The following IPMK variants were observed in gnomAD, a reference collection of about 807,000 sequenced individuals.
IPMK encodes inositol polyphosphate multikinase, also known as inositol 1,3,4,6-tetrakisphosphate 5-kinase.
A neutral mutation model predicts 45.8 loss-of-function variants in IPMK; 17 were observed. That is an observed-to-expected ratio of 0.37 (90% CI 0.25 to 0.56). IPMK has a LOEUF of 0.56. Among genes scored for constraint, IPMK ranks in the 20% least tolerant of loss-of-function variants. The pLI is 0.79. For synonymous variants in IPMK, 180 were observed against 184.3 expected, an observed-to-expected ratio of 0.98 and a Z score of 0.19; for missense variants, 399 against 498.0, an observed-to-expected ratio of 0.80 and a Z score of 1.89.
chr10:58,202,920 CA>C (rs1212580829), intron 4 of IPMK, among the ~76,000 whole-genome samples: 2 of 152,132 alleles, frequency 1.3e-5, no homozygotes, highest in Non-Finnish European at 1.5e-5. Flanking sequence ...TTCTATGGAT[CA>C]AGGAGTAATT....
chr10:58,253,223 T>C (rs1838911279), intron 1 of IPMK, among the ~76,000 whole-genome samples: 1 of 152,222 alleles, frequency 6.6e-6, no homozygotes, highest in Admixed American at 6.5e-5. Context: ...CTCATTCACC[T>C]TCTGCCATGA....
intron 1 of IPMK, among the ~76,000 whole-genome samples, chr10:58,252,568 C>T (rs986798803): frequency 2.0e-5 from 3 of 150,072 alleles, no homozygotes; most frequent in Non-Finnish European, 3.0e-5. Flanking sequence ...AACATAATAC[C>T]AAATAGTTAA....
rs1395351294 is a variant in IPMK at position 58,267,886 on chromosome 10, C to T, written c.-275G>A. 3 of 360,780 alleles carry T rather than the reference C, an allele frequency of 8.3e-6. No individual in the cohort carries two copies. The highest frequency in any genetic ancestry group is 2.1e-5 in the African/African-American group (1 of 46,558). 22.3% of individuals were successfully genotyped at this position (360,780 alleles called of 1,614,324 possible). On this transcript the variant is annotated 5_prime_UTR_variant, in exon 1 of 6. Coordinates refer to ENST00000373935, the MANE Select transcript of IPMK (RefSeq NM_152230.5). ...GCGCTGCCCGGTAGACAGAACCGAG[C>T]CGAAGAACAGCAGCAGCGGCGCCCC...
At chr10:58,199,948 C>T (rs1489239892) in intron 4 of IPMK, among the ~76,000 whole-genome samples, 1 of 151,776 alleles carries the variant, frequency 6.6e-6, no homozygotes, top group Non-Finnish European at 1.5e-5. Context: ...AAATGTAACC[C>T]CCAAAGAACA....
chr10:58,267,390 G>C, intron 1 of IPMK, 32 bp downstream of exon 1: 1 of 1,608,074 alleles, frequency 6.2e-7, no homozygotes, highest in Non-Finnish European at 8.5e-7. Context: ...AGGCGGAAGG[G>C]GAGCGGCGAG....
At chr10:58,221,805 G>A (rs1271971752) in intron 3 of IPMK, among the ~76,000 whole-genome samples, 2 of 151,958 alleles carry the variant, frequency 1.3e-5, no homozygotes, top group Non-Finnish European at 1.5e-5. Context: ...CTGGAGTGCA[G>A]TGGTGTGATC....
intron 2 of IPMK, among the ~76,000 whole-genome samples, chr10:58,230,836 T>A (rs1838504833): frequency 6.6e-6 from 1 of 152,220 alleles, no homozygotes; most frequent in Non-Finnish European, 1.5e-5. Flanking sequence ...TTTGACGAGT[T>A]GATAGAAGTA....
At chr10:58,256,826 C>G (rs2590354) in intron 1 of IPMK, among the ~76,000 whole-genome samples, 1 of 151,688 alleles carries the variant, frequency 6.6e-6, no homozygotes, top group Non-Finnish European at 1.5e-5. Flanking sequence ...CTGGTTCCCC[C>G]GAAAGACAAG....
At chr10:58,230,817 G>A (rs1310445888) in intron 2 of IPMK, among the ~76,000 whole-genome samples, 2 of 152,234 alleles carry the variant, frequency 1.3e-5, no homozygotes, top group Non-Finnish European at 2.9e-5. Flanking sequence ...AAGCTGGACA[G>A]AGAATGACTT....
rs1214301621 is a variant in IPMK at position 58,201,005 on chromosome 10, A to AG, written c.547-1685dup. ...CACGCAGAAATCAAAAGAAAAATAG[A>AG]GAAAAAAAACTGTTTGAAATTTATT... On this transcript the variant is annotated intron_variant, in intron 4 of 5. Coordinates refer to ENST00000373935, the MANE Select transcript of IPMK (RefSeq NM_152230.5). 3.9e-5 allele frequency among the ~76,000 whole-genome samples: 6 copies of AG among 152,298 alleles called. No homozygotes were observed. In the East Asian group the frequency reaches 9.6e-4, roughly 24 times the overall value.
At chr10:58,252,611 CTT>C (rs113777957) in intron 1 of IPMK, among the ~76,000 whole-genome samples, 6,524 of 111,196 alleles carry the variant, frequency 0.059, 142 homozygotes, top group East Asian at 0.14. Context: ...GTTTTCTTTT[CTT>C]TTTTTTTTTT....
intron 2 of IPMK, among the ~76,000 whole-genome samples, chr10:58,234,150 TCAA>T (rs1194298055): frequency 2.0e-5 from 3 of 151,902 alleles, no homozygotes; most frequent in Non-Finnish European, 4.4e-5. Context: ...AAACCACCGC[TCAA>T]CAAAATAAAA....
chr10:58,233,029 G>C (rs964698970), intron 2 of IPMK, among the ~76,000 whole-genome samples: 2 of 152,160 alleles, frequency 1.3e-5, no homozygotes, highest in African/African-American at 4.8e-5. Flanking sequence ...ACTACCATCA[G>C]AGAATACGAT....
At position 58,259,271 on chromosome 10, in the gene IPMK, C is replaced by A. The variant is rs577641286; in HGVS notation, c.190+8151G>T. On this transcript the variant is annotated intron_variant, in intron 1 of 5. Transcript: ENST00000373935. ...TTTCAGGGCCGAGACAGGGAAAACACAAAAGGAATGTGGAATATCTTTTTA... is the reference window on the plus strand; with the variant it reads ...TTTCAGGGCCGAGACAGGGAAAACAAAAAAGGAATGTGGAATATCTTTTTA... Among the ~76,000 whole-genome samples the A allele has an allele frequency of 3.3e-5, 5 of 151,806 alleles. No homozygotes were observed. In the East Asian group the frequency reaches 7.8e-4, roughly 24 times the overall value.
At chr10:58,257,465 A>G (rs1039567590) in intron 1 of IPMK, among the ~76,000 whole-genome samples, 2 of 152,180 alleles carry the variant, frequency 1.3e-5, no homozygotes, top group African/African-American at 4.8e-5. Context: ...ACTGCACTCC[A>G]GCCTGGGCAA....
At chr10:58,198,724 G>A (rs1228336306) in intron 5 of IPMK, among the ~76,000 whole-genome samples, 1 of 152,030 alleles carries the variant, frequency 6.6e-6, no homozygotes, top group Admixed American at 6.6e-5. Flanking sequence ...AAATACTTTA[G>A]AAGCATGTAT....
intron 4 of IPMK, among the ~76,000 whole-genome samples, chr10:58,209,173 TC>T (rs746261931): frequency 1.3e-5 from 2 of 152,164 alleles, no homozygotes; most frequent in Non-Finnish European, 2.9e-5. Context: ...CCTGGATTAT[TC>T]CAGAATGGCT....
chr10:58,229,562 C>CAAAAAAAAAA lies in IPMK; in HGVS notation c.277-2433_277-2424dup, dbSNP rs574403627. On this transcript the variant is annotated intron_variant, in intron 2 of 5. Coordinates refer to ENST00000373935, the MANE Select transcript of IPMK (RefSeq NM_152230.5). ...TGGGCAACAGAGCGAGACCACGTCT[C>CAAAAAAAAAA]AAAAAAAAAAAAAAAAAAGTAATCT... 9.6e-5 allele frequency among the ~76,000 whole-genome samples: 7 copies of CAAAAAAAAAA among 72,944 alleles called. No homozygotes were observed. In the East Asian group the frequency reaches 1.9e-3, roughly 20 times the overall value. 47.9% of individuals were successfully genotyped at this position (72,944 alleles called of 152,430 possible).
intron 3 of IPMK, among the ~76,000 whole-genome samples, chr10:58,222,329 C>T (rs1202237790): frequency 1.3e-5 from 2 of 152,112 alleles, no homozygotes; most frequent in African/African-American, 4.8e-5. Context: ...CAAGTAAAGG[C>T]AGAATTTTGA....
Sources: gnomAD v4.1 joint callset for allele counts (sites outside exome capture counted in the v4.1 genomes callset) on GRCh38, gnomAD v4.1.1 for gene constraint, MANE v1.5 for transcripts, NCBI Gene and HGNC (gene_info 2026-07-23, HGNC 2026-07-21) for gene names.